The following SLC35F1 variants were observed in gnomAD, a reference collection of about 807,000 sequenced individuals.
SLC35F1 encodes the protein solute carrier family 35 member F1, also known as chromosome 6 open reading frame 169.
SLC35F1 carries 14 observed loss-of-function variants against 48.7 expected under a neutral mutation model. The ratio of observed to expected loss-of-function variants is 0.29; its 90% CI spans 0.19 to 0.45. The LOEUF is 0.45. SLC35F1 is among the 20% of genes least tolerant of loss of function. The probability of loss-of-function intolerance (pLI) is 1.00; values close to 1 mark genes in which losing one functional copy is unlikely to be tolerated. For missense variants in SLC35F1, 404 were observed against 500.0 expected, an observed-to-expected ratio of 0.81 and a Z score of 1.83; for synonymous variants, 190 against 202.2, an observed-to-expected ratio of 0.94 and a Z score of 0.51.
At chr6:118,074,828 G>A (rs1371808108) in intron 1 of SLC35F1, among the ~76,000 whole-genome samples, 1 of 152,120 alleles carries the variant, frequency 6.6e-6, no homozygotes, top group Non-Finnish European at 1.5e-5. Flanking sequence ...ATTTCTTGTA[G>A]AGATGGGGTC....
At chr6:118,126,774 T>A (rs1773632530) in intron 1 of SLC35F1, among the ~76,000 whole-genome samples, 1 of 151,638 alleles carries the variant, frequency 6.6e-6, no homozygotes, top group East Asian at 1.9e-4. Context: ...ATGATTTGGC[T>A]CTCTGTTTGT....
At chr6:118,027,943 G>A (rs1361316081) in intron 1 of SLC35F1, among the ~76,000 whole-genome samples, 1 of 152,030 alleles carries the variant, frequency 6.6e-6, no homozygotes, top group Non-Finnish European at 1.5e-5. Flanking sequence ...AACCCAAGGG[G>A]ATTACAAATA....
chr6:118,021,876 G>T (rs1777400602), intron 1 of SLC35F1, among the ~76,000 whole-genome samples: 1 of 152,200 alleles, frequency 6.6e-6, no homozygotes, highest in Non-Finnish European at 1.5e-5. Flanking sequence ...TCCATGTGTG[G>T]AATTTGGTGC....
chr6:118,198,869 C>A (rs1163277126), intron 2 of SLC35F1, among the ~76,000 whole-genome samples: 4 of 152,204 alleles, frequency 2.6e-5, no homozygotes, highest in Non-Finnish European at 5.9e-5. Context: ...AGGTTTTGCA[C>A]AAACCCAGCT....
At chr6:118,083,600 C>G (rs571837965) in intron 1 of SLC35F1, among the ~76,000 whole-genome samples, 19 of 152,268 alleles carry the variant, frequency 1.2e-4, no homozygotes, top group South Asian at 4.1e-4. Flanking sequence ...CAGTGATGCT[C>G]TCATGTCACT....
At chr6:118,127,420 A>G (rs1483453997) in intron 1 of SLC35F1, among the ~76,000 whole-genome samples, 1 of 151,866 alleles carries the variant, frequency 6.6e-6, no homozygotes, top group African/African-American at 2.4e-5. Context: ...AATGTTCATC[A>G]AGGATATTGG....
chr6:118,060,216 A>C (rs1388696490), intron 1 of SLC35F1, among the ~76,000 whole-genome samples: 1 of 152,150 alleles, frequency 6.6e-6, no homozygotes, highest in East Asian at 1.9e-4. Context: ...ATAGATGCCA[A>C]ATACAAAGTG....
At chr6:118,182,515 AGAGAGAAGGAAGGAAGGAAG>A (rs1312688570) in intron 2 of SLC35F1, among the ~76,000 whole-genome samples, 124 of 58,796 alleles carry the variant, frequency 2.1e-3, no homozygotes, top group African/African-American at 5.3e-3. Flanking sequence ...AGAGAGAGAG[AGAGAGAAGGAAGGAAGGAAG>A]GAAGGAAGGA....
chr6:118,253,249 T>C (rs1013905539), intron 3 of SLC35F1, among the ~76,000 whole-genome samples: 4 of 151,954 alleles, frequency 2.6e-5, no homozygotes, highest in Admixed American at 1.3e-4. Context: ...TAAAGGAGTC[T>C]GAAGAGGCCC....
intron 1 of SLC35F1, among the ~76,000 whole-genome samples, chr6:118,011,664 G>A (rs192490302): frequency 3.9e-5 from 6 of 152,228 alleles, no homozygotes; most frequent in East Asian, 3.9e-4. Flanking sequence ...CTAATCTGAC[G>A]GGAGGCAGAG....
At chr6:117,981,526 T>C (rs1224009552) in intron 1 of SLC35F1, among the ~76,000 whole-genome samples, 1 of 151,990 alleles carries the variant, frequency 6.6e-6, no homozygotes, top group Non-Finnish European at 1.5e-5. Flanking sequence ...GTGCTGGGAG[T>C]TGACAGGGCA....
At chr6:118,165,127 G>A (rs1019137693) in intron 2 of SLC35F1, among the ~76,000 whole-genome samples, 26 of 152,128 alleles carry the variant, frequency 1.7e-4, no homozygotes, top group Non-Finnish European at 3.5e-4. Flanking sequence ...GATTATAAAG[G>A]GGAAGGGAGG....
At chr6:118,307,330 A>AT (rs1776323307) in intron 7 of SLC35F1, among the ~76,000 whole-genome samples, 1 of 152,126 alleles carries the variant, frequency 6.6e-6, no homozygotes, top group Non-Finnish European at 1.5e-5. Flanking sequence ...AAGACAACTG[A>AT]TTTTGGTATT....
intron 1 of SLC35F1, among the ~76,000 whole-genome samples, chr6:118,105,639 TG>T (rs1773316820): frequency 6.6e-6 from 1 of 152,260 alleles, no homozygotes; most frequent in South Asian, 2.1e-4. Context: ...TCTTTTCTAA[TG>T]GGACTGTTGC....
intron 7 of SLC35F1, among the ~76,000 whole-genome samples, chr6:118,307,138 T>C (rs1397029302): frequency 6.6e-6 from 1 of 152,242 alleles, no homozygotes; most frequent in Admixed American, 6.5e-5. Context: ...TTCCCAAGTA[T>C]TTAAATCTTA....
intron 1 of SLC35F1, among the ~76,000 whole-genome samples, chr6:117,966,126 C>G (rs1399763687): frequency 6.8e-5 from 2 of 29,270 alleles, no homozygotes; most frequent in Non-Finnish European, 1.6e-4. Context: ...TAAAAGCAGG[C>G]CACCGCCCCC....
chr6:118,119,494 G>GTCCC (rs1562295654), intron 1 of SLC35F1, among the ~76,000 whole-genome samples: 1 of 52,192 alleles, frequency 1.9e-5, no homozygotes. Context: ...AATAACCGGC[G>GTCCC]CCCCCCCTCC....
At chr6:118,055,575 C>G (rs1350511015) in intron 1 of SLC35F1, among the ~76,000 whole-genome samples, 1 of 152,194 alleles carries the variant, frequency 6.6e-6, no homozygotes, top group African/African-American at 2.4e-5. Flanking sequence ...GCTCATAACT[C>G]AAACCTAATG....
chr6:118,300,516 A>G (rs1776244021), intron 7 of SLC35F1, among the ~76,000 whole-genome samples: 1 of 152,248 alleles, frequency 6.6e-6, no homozygotes, highest in South Asian at 2.1e-4. Flanking sequence ...ACAAAACAAT[A>G]AAGTTATTTT....
Sources: gnomAD v4.1 joint callset for allele counts (sites outside exome capture counted in the v4.1 genomes callset) on GRCh38, gnomAD v4.1.1 for gene constraint, MANE v1.5 for transcripts, NCBI Gene and HGNC (gene_info 2026-07-23, HGNC 2026-07-21) for gene names.